SESN1: variants seen among roughly 807,000 people sequenced by gnomAD.
SESN1 encodes sestrin-1.
In SESN1, 30 loss-of-function variants were observed where a neutral mutation model predicts 59.3. That is an observed-to-expected ratio of 0.51 (90% confidence interval 0.38 to 0.69). The LOEUF is 0.69. Among genes scored for constraint, SESN1 ranks in the 30% least tolerant of loss-of-function variants. The pLI is 0.00. For missense variants in SESN1, 566 were observed against 673.0 expected (o/e 0.84, Z 1.76); for synonymous variants, 197 against 219.9 (o/e 0.90, Z 0.92).
chr6:109,041,593 C>CAG (rs1180126525), intron 1 of SESN1, among the ~76,000 whole-genome samples: 1 of 151,580 alleles, frequency 6.6e-6, no homozygotes, highest in African/African-American at 2.4e-5. Flanking sequence ...AGAAAATTAC[C>CAG]AGAGACAAGG....
At chr6:109,023,442 T>C (rs1476504678) in intron 1 of SESN1, among the ~76,000 whole-genome samples, 2 of 152,192 alleles carry the variant, frequency 1.3e-5, no homozygotes, top group Non-Finnish European at 2.9e-5. Context: ...CTCCAAAATA[T>C]GATCCACTAT....
At chr6:109,050,104 G>A (rs1408294577) in intron 1 of SESN1, among the ~76,000 whole-genome samples, 1 of 152,148 alleles carries the variant, frequency 6.6e-6, no homozygotes, top group Non-Finnish European at 1.5e-5. Flanking sequence ...TGGTGGATAG[G>A]CATCTGATTT....
At chr6:109,024,756 A>G (rs1780063895) in intron 1 of SESN1, among the ~76,000 whole-genome samples, 1 of 152,188 alleles carries the variant, frequency 6.6e-6, no homozygotes, top group Non-Finnish European at 1.5e-5. Flanking sequence ...CTTTGTGATT[A>G]TGTGGCTGAG....
intron 1 of SESN1, among the ~76,000 whole-genome samples, chr6:109,058,727 C>G (rs1203523240): frequency 6.6e-6 from 1 of 151,978 alleles, no homozygotes; most frequent in Admixed American, 6.6e-5. Flanking sequence ...CAATGCAGCC[C>G]CAGAAGAGGA....
intron 1 of SESN1, among the ~76,000 whole-genome samples, chr6:109,029,174 T>C (rs541575988): frequency 4.8e-4 from 73 of 152,288 alleles, no homozygotes; most frequent in Non-Finnish European, 1.9e-4. Context: ...GGAATGATCC[T>C]AAATTTTACA....
chr6:109,012,425 T>C (rs1485492018), intron 1 of SESN1, among the ~76,000 whole-genome samples: 2 of 152,222 alleles, frequency 1.3e-5, no homozygotes, highest in Non-Finnish European at 2.9e-5. Flanking sequence ...GTGAGGTTCA[T>C]TGCCTCTACA....
chr6:109,092,864 TTC>T (rs1157801656), intron 1 of SESN1, among the ~76,000 whole-genome samples: 1 of 152,212 alleles, frequency 6.6e-6, no homozygotes, highest in Non-Finnish European at 1.5e-5. Flanking sequence ...GATATTATTT[TTC>T]TGTTGCTTTA....
chr6:109,042,238 T>C (rs1361096076), intron 1 of SESN1, among the ~76,000 whole-genome samples: 1 of 151,828 alleles, frequency 6.6e-6, no homozygotes, highest in Non-Finnish European at 1.5e-5. Context: ...ACACTACATA[T>C]ATACATTAAA....
chr6:109,006,231 C>A (rs1443586120), intron 1 of SESN1, among the ~76,000 whole-genome samples: 1 of 152,082 alleles, frequency 6.6e-6, no homozygotes, highest in Admixed American at 6.6e-5. Flanking sequence ...TTAATCCTTA[C>A]CTTAATCTAT....
At chr6:109,086,274 C>T (rs2114480132) in intron 1 of SESN1, among the ~76,000 whole-genome samples, 1 of 152,208 alleles carries the variant, frequency 6.6e-6, no homozygotes, top group East Asian at 1.9e-4. Context: ...ACTGCTTGAA[C>T]CCGGGAGGTG....
intron 7 of SESN1, among the ~76,000 whole-genome samples, chr6:108,991,981 A>T (rs1205709888): frequency 6.6e-6 from 1 of 152,126 alleles, no homozygotes; most frequent in Non-Finnish European, 1.5e-5. Flanking sequence ...CACCATCCAA[A>T]TTCTTCAAAT....
At chr6:109,044,086 A>C (rs1780382635) in intron 1 of SESN1, among the ~76,000 whole-genome samples, 1 of 151,924 alleles carries the variant, frequency 6.6e-6, no homozygotes, top group Admixed American at 6.6e-5. Context: ...AGGCCAAGGC[A>C]AGAGGATTGC....
intron 1 of SESN1, among the ~76,000 whole-genome samples, chr6:109,073,657 A>G (rs1484837077): frequency 6.6e-6 from 1 of 152,240 alleles, no homozygotes; most frequent in Non-Finnish European, 1.5e-5. Flanking sequence ...AAAACTCATT[A>G]GGAAAAAATA....
chr6:108,989,505 CTA>C (rs111756267), intron 8 of SESN1, among the ~76,000 whole-genome samples: 24,567 of 145,892 alleles, frequency 0.17, 2,273 homozygotes, highest in Middle Eastern at 0.25. Context: ...CTAGAGATAT[CTA>C]TATATATATA....
intron 1 of SESN1, among the ~76,000 whole-genome samples, chr6:109,018,835 G>A (rs1388252791): frequency 6.6e-6 from 1 of 152,050 alleles, no homozygotes; most frequent in East Asian, 1.9e-4. Context: ...TTCATTACTA[G>A]AGAAGTTTCT....
Position 109,079,571 on chromosome 6 carries a change from G to C in SESN1, c.279+14224C>G, listed in dbSNP as rs534124097. On this transcript the variant is annotated intron_variant, in intron 1 of 9. Coordinates refer to ENST00000436639, the MANE Select transcript of SESN1 (RefSeq NM_014454.3). ...ATTTACAATTAGAAAATCTCAATGAGGTATTTTAAAATCTAATTTAAAACA... is the reference window on the plus strand; with the variant it reads ...ATTTACAATTAGAAAATCTCAATGACGTATTTTAAAATCTAATTTAAAACA... Among the ~76,000 whole-genome samples the C allele has an allele frequency of 2.4e-3, 362 of 152,126 alleles. 1 individual carries two copies. The highest frequency in any genetic ancestry group is 8.3e-3 in the African/African-American group (345 of 41,494).
intron 7 of SESN1, among the ~76,000 whole-genome samples, chr6:108,991,092 C>T (rs1451357752): frequency 6.7e-6 from 1 of 149,188 alleles, no homozygotes; most frequent in African/African-American, 2.5e-5. Flanking sequence ...CAAAAAAAAA[C>T]TAATAGTCTC....
At chr6:108,989,835 T>A (rs1011322252) in intron 8 of SESN1, among the ~76,000 whole-genome samples, 3 of 152,044 alleles carry the variant, frequency 2.0e-5, no homozygotes, top group African/African-American at 4.8e-5. Context: ...TCCAATCACA[T>A]AGGCACTGAA....
chr6:109,047,035 G>A (rs1156959100), intron 1 of SESN1, among the ~76,000 whole-genome samples: 2 of 6,408 alleles, frequency 3.1e-4, no homozygotes, highest in Non-Finnish European at 5.8e-4. Context: ...CCATCCGGGA[G>A]GGAGGTGGGG....
Sources: gnomAD v4.1 joint callset for allele counts (sites outside exome capture counted in the v4.1 genomes callset) on GRCh38, gnomAD v4.1.1 for gene constraint, MANE v1.5 for transcripts, NCBI Gene and HGNC (gene_info 2026-07-23, HGNC 2026-07-21) for gene names.